The following JRK variants were observed in gnomAD, a reference collection of about 807,000 sequenced individuals.
The protein encoded by JRK is jerky protein homolog.
For missense variants in JRK, 720 were observed against 509.2 expected, an observed-to-expected ratio of 1.41 and a Z score of -3.98; for synonymous variants, 303 against 218.1, an observed-to-expected ratio of 1.39 and a Z score of -3.43.
intron 1 of JRK, among the ~76,000 whole-genome samples, chr8:142,668,487 G>C (rs1587535418): frequency 6.6e-6 from 1 of 151,886 alleles, no homozygotes; most frequent in Admixed American, 6.5e-5. Flanking sequence ...TGGGGAACAG[G>C]AGGGAAGGCA....
At position 142,666,405 on chromosome 8, in the gene JRK, A is replaced by G. The variant is rs1554636143; in HGVS notation, c.-347T>C. 2 of 417,518 alleles carry G rather than the reference A, an allele frequency of 4.8e-6. No homozygotes were observed. The highest frequency in any genetic ancestry group is 3.6e-5 in the Admixed American group (1 of 27,774). 25.9% of individuals were successfully genotyped at this position (417,518 alleles called of 1,614,324 possible). A position where few individuals can be genotyped will look rare whatever the true frequency, so the allele number is the denominator to read the frequency against. ...AACTCCGGCCTTCTCTGTGGATACT[A>G]TGGCAGCGGCTCCCCTCAAACTGAC... On this transcript the variant is annotated 5_prime_UTR_variant, in exon 2 of 2. Transcript: ENST00000612905.
chr8:142,663,824 C>G lies in JRK; in HGVS notation c.*528G>C. On this transcript the variant is annotated 3_prime_UTR_variant, in exon 2 of 2. Coordinates refer to ENST00000612905, the MANE Select transcript of JRK (RefSeq NM_003724.4). ...TAGCAGGCCAAGAACTGAGTCCCAGCTCTCGGGCCATCGGACCTCAGGCAA... is the reference window on the plus strand; with the variant it reads ...TAGCAGGCCAAGAACTGAGTCCCAGGTCTCGGGCCATCGGACCTCAGGCAA... The G allele has an allele frequency of 1.0e-6, 1 of 986,790 alleles. No individual in the cohort carries two copies. Among genetic ancestry groups the G allele is most frequent in the Non-Finnish European group, 1.2e-6 (1 of 830,930 alleles). The allele number at this position is 986,790 out of a possible 1,614,324, so 61.1% of individuals were successfully genotyped here.
Position 142,662,381 on chromosome 8 carries a change from T to G in JRK, c.*1971A>C. On this transcript the variant is annotated 3_prime_UTR_variant, in exon 2 of 2. Transcript: ENST00000612905. ...CCTCGGGACATGTTCTAACCTCCTG[T>G]GTTGCCTCAAGCAGCTGCAATCCAG... is the stretch of plus-strand genomic sequence containing the variant. The G allele has an allele frequency of 1.0e-6, 1 of 985,426 alleles. No individual in the cohort carries two copies. The highest frequency in any genetic ancestry group is 1.2e-6 in the Non-Finnish European group (1 of 829,960). 61.0% of individuals were successfully genotyped at this position (985,426 alleles called of 1,614,324 possible). A position where few individuals can be genotyped will look rare whatever the true frequency, so the allele number is the denominator to read the frequency against.
chr8:142,668,846 A>G (rs1847217023), intron 1 of JRK, among the ~76,000 whole-genome samples: 2 of 151,322 alleles, frequency 1.3e-5, no homozygotes, highest in Non-Finnish European at 2.9e-5. Context: ...GTCCACAAGG[A>G]GCCCGTGTCT....
chr8:142,652,687 T>C (rs1184663043), downstream of JRK, among the ~76,000 whole-genome samples: 8 of 152,184 alleles, frequency 5.3e-5, no homozygotes, highest in African/African-American at 1.7e-4. Flanking sequence ...CTCTAAGCAG[T>C]TCTCAGCTTG....
Position 142,659,934 on chromosome 8 carries a change from A to G in JRK, c.*4418T>C, listed in dbSNP as rs192295406. On this transcript the variant is annotated 3_prime_UTR_variant, in exon 2 of 2. Coordinates refer to ENST00000612905, the MANE Select transcript of JRK (RefSeq NM_003724.4). ...ATCACTGCCCTGCAAGGGAAACAAC[A>G]GATGTGCAAGGTCTGAGGGTCCATG... 6.3e-5 allele frequency: 62 copies of G among 985,590 alleles called. 1 individual carries two copies. The East Asian group carries it at 5.2e-3, about 83-fold the overall frequency. 61.1% of individuals were successfully genotyped at this position (985,590 alleles called of 1,614,324 possible). A position where few individuals can be genotyped will look rare whatever the true frequency, so the allele number is the denominator to read the frequency against.
intron 1 of JRK, among the ~76,000 whole-genome samples, chr8:142,668,126 G>A (rs1300713380): frequency 6.6e-6 from 1 of 152,236 alleles, no homozygotes; most frequent in East Asian, 1.9e-4. Flanking sequence ...CTTGAGGATG[G>A]ACTCCTGGAG....
chr8:142,655,325 A>C (rs1554633514), downstream of JRK, among the ~76,000 whole-genome samples: 1 of 152,220 alleles, frequency 6.6e-6, no homozygotes, highest in East Asian at 1.9e-4. Flanking sequence ...GCACTGTGTG[A>C]AGGTTGGGCC....
downstream of JRK, among the ~76,000 whole-genome samples, chr8:142,657,162 A>C (rs1194538326): frequency 6.6e-6 from 1 of 152,182 alleles, no homozygotes; most frequent in East Asian, 1.9e-4. Context: ...TGAAGGCACA[A>C]GGCCTGGGCT....
At chr8:142,653,786 C>A (rs782381093), downstream of JRK, among the ~76,000 whole-genome samples, 6 of 152,166 alleles carry the variant, frequency 3.9e-5, no homozygotes, top group Non-Finnish European at 8.8e-5. Flanking sequence ...CTTTTCTACA[C>A]CCCTATGATT....
chr8:142,651,235 CTTTAA>C, the JRK span, among the ~76,000 whole-genome samples: 4 of 152,104 alleles, frequency 2.6e-5, no homozygotes, highest in South Asian at 2.1e-4. Context: ...TGGATGTTAA[CTTTAA>C]TTTATCTGAC....
Position 142,664,231 on chromosome 8 carries a change from G to T in JRK, c.*121C>A. Reference sequence around the variant, plus strand: ...CACACCCGTGGGCGACCCACTCCTGGAAGGGCTCTTGAGTGTCTGCACATG... The same window carrying T: ...CACACCCGTGGGCGACCCACTCCTGTAAGGGCTCTTGAGTGTCTGCACATG... On this transcript the variant is annotated 3_prime_UTR_variant, in exon 2 of 2. Coordinates refer to ENST00000612905, the MANE Select transcript of JRK (RefSeq NM_003724.4). The T allele has an allele frequency of 1.4e-6, 2 of 1,418,580 alleles. No individual in the cohort carries two copies. Among genetic ancestry groups the T allele is most frequent in the Non-Finnish European group, 1.8e-6 (2 of 1,083,294 alleles). The allele number at this position is 1,418,580 out of a possible 1,614,324, so 87.9% of individuals were successfully genotyped here. A position where few individuals can be genotyped will look rare whatever the true frequency, so the allele number is the denominator to read the frequency against.
Position 142,661,890 on chromosome 8 carries a change from C to G in JRK, c.*2462G>C. ...GGAGGACACGGCAGTCTCCATAAAG[C>G]GTTCTGGGGGACAGGACCGAGGCAA... On this transcript the variant is annotated 3_prime_UTR_variant, in exon 2 of 2. Coordinates refer to ENST00000612905, the MANE Select transcript of JRK (RefSeq NM_003724.4). 2.0e-6 allele frequency: 2 copies of G among 985,558 alleles called. No individual in the cohort carries two copies. The highest frequency in any genetic ancestry group is 2.4e-6 in the Non-Finnish European group (2 of 830,016). The allele number at this position is 985,558 out of a possible 1,614,324, so 61.1% of individuals were successfully genotyped here.
Position 142,661,877 on chromosome 8 carries a change from A to C in JRK, c.*2475T>G. The C allele has an allele frequency of 1.0e-6, 1 of 985,536 alleles. No homozygotes were observed. The highest frequency in any genetic ancestry group is 1.2e-6 in the Non-Finnish European group (1 of 830,004). 61.0% of individuals were successfully genotyped at this position (985,536 alleles called of 1,614,324 possible). On this transcript the variant is annotated 3_prime_UTR_variant, in exon 2 of 2. Coordinates refer to ENST00000612905, the MANE Select transcript of JRK (RefSeq NM_003724.4). ...AAACAAAGTGCTCGGAGGACACGGC[A>C]GTCTCCATAAAGCGTTCTGGGGGAC...
chr8:142,657,356 A>T (rs587728884), downstream of JRK: 2 of 152,722 alleles, frequency 1.3e-5, no homozygotes, highest in African/African-American at 2.4e-5. Context: ...TGGGGATTAG[A>T]GCAGGTGTCC....
Position 142,665,532 on chromosome 8 carries a change from T to C in JRK, c.527A>G (p.His176Arg), listed in dbSNP as rs1847090259. The change falls in exon 2 of 2, where the codon CAC becomes CGC. Residue 176 changes from histidine to arginine, a missense_variant. Transcript: ENST00000612905. ...GTAAACCTGCTCGGCGGACAGCCCG[T>C]GCTCAGCAGCCAAGCTCCTGAAAAA... Reference protein sequence around the residue: ...CAFFRSLAAEHGLSAEQVYNA... With the variant: ...CAFFRSLAAERGLSAEQVYNA... 2.8e-6 allele frequency: 2 copies of C among 718,368 alleles called. No individual in the cohort carries two copies. The highest frequency in any genetic ancestry group is 5.2e-6 in the Non-Finnish European group (2 of 385,086). 44.5% of individuals were successfully genotyped at this position (718,368 alleles called of 1,614,324 possible). A position where few individuals can be genotyped will look rare whatever the true frequency, so the allele number is the denominator to read the frequency against.
chr8:142,651,953 CA>C, the JRK span, among the ~76,000 whole-genome samples: 18 of 151,706 alleles, frequency 1.2e-4, no homozygotes, highest in African/African-American at 4.1e-4. Context: ...CTCCCATCAT[CA>C]TAGAAGCAGG....
At chr8:142,668,842 A>G (rs917605225) in intron 1 of JRK, among the ~76,000 whole-genome samples, 2 of 151,550 alleles carry the variant, frequency 1.3e-5, no homozygotes, top group Admixed American at 6.6e-5. Flanking sequence ...ACGTGTCCAC[A>G]AGGAGCCCGT....
the JRK span, among the ~76,000 whole-genome samples, chr8:142,650,555 G>T: frequency 0.55 from 83,559 of 152,040 alleles, 24,267 homozygotes; most frequent in Admixed American, 0.67. Context: ...GAATAAGTCT[G>T]CAGAGATCTG....
Sources: gnomAD v4.1 joint callset for allele counts (sites outside exome capture counted in the v4.1 genomes callset) on GRCh38, gnomAD v4.1.1 for gene constraint, MANE v1.5 for transcripts, NCBI Gene and HGNC (gene_info 2026-07-23, HGNC 2026-07-21) for gene names.